Variants in PPARA observed in about 807,000 individuals in gnomAD.
PPARA encodes the protein peroxisome proliferator-activated receptor alpha.
Under a neutral mutation model 42.2 loss-of-function variants are expected in PPARA, and 22 were observed. The ratio of observed to expected loss-of-function variants is 0.52; its 90% CI spans 0.37 to 0.74. PPARA has a LOEUF of 0.74. PPARA is among the 30% of genes least tolerant of loss of function. PPARA has a pLI of 0.00. For missense variants in PPARA, 465 were observed against 608.2 expected, an observed-to-expected ratio of 0.76 and a Z score of 2.48; for synonymous variants, 242 against 239.3, an observed-to-expected ratio of 1.01 and a Z score of -0.10.
At position 46,191,665 on chromosome 22, in the gene PPARA, A is replaced by G. The variant is rs1177193507; in HGVS notation, c.-42-6677A>G. 6.6e-6 allele frequency among the ~76,000 whole-genome samples: 1 copy of G among 152,198 alleles called. No individual in the cohort carries two copies. The highest frequency in any genetic ancestry group is 2.4e-5 in the African/African-American group (1 of 41,460). On this transcript the variant is annotated intron_variant, in intron 3 of 8. Transcript: ENST00000407236. The surrounding 1 kb of genome is among the most constrained non-coding windows in gnomAD (Gnocchi z 4.6). ...TGTGCCGCTTTGCCCTCTGGGTGAC[A>G]GCAGGCTGTGGCTGCGGCGACAGAG...
In PPARA at chr22:46,195,266, T is replaced by G. The variant is rs1932099056; in HGVS notation, c.-42-3076T>G. On this transcript the variant is annotated intron_variant, in intron 3 of 8. Coordinates refer to ENST00000407236, the MANE Select transcript of PPARA (RefSeq NM_005036.6). This position sits in a 1 kb window ranked among gnomAD's most constrained non-coding sequence, Gnocchi z 4.6. Reference sequence around the variant, plus strand: ...AATACAGTTAGTTAGTGACTGCAACTTTTGAACTTTTTGTTCATAGTGAAA... The same window carrying G: ...AATACAGTTAGTTAGTGACTGCAACGTTTGAACTTTTTGTTCATAGTGAAA... Among the ~76,000 whole-genome samples the G allele has an allele frequency of 6.6e-6, 1 of 152,198 alleles. No individual in the cohort carries two copies. The highest frequency in any genetic ancestry group is 2.4e-5 in the African/African-American group (1 of 41,444).
Position 46,167,603 on chromosome 22 carries a change from A to G in PPARA, c.-126-9150A>G, listed in dbSNP as rs1927269120. Among the ~76,000 whole-genome samples the G allele has an allele frequency of 6.6e-6, 1 of 152,156 alleles. No homozygotes were observed. Among genetic ancestry groups the G allele is most frequent in the Non-Finnish European group, 1.5e-5 (1 of 68,028 alleles). On this transcript the variant is annotated intron_variant, in intron 2 of 8. Transcript: ENST00000407236. This position sits in a 1 kb window ranked among gnomAD's most constrained non-coding sequence, Gnocchi z 4.1. ...AGAGAGGTCAAGGTTGCAGTGAGCC[A>G]TGATTGCACCACTGCACTCCAGACT... is the stretch of plus-strand genomic sequence containing the variant.
At chr22:46,154,725 C>G (rs1170232829) in intron 2 of PPARA, among the ~76,000 whole-genome samples, 2 of 151,370 alleles carry the variant, frequency 1.3e-5, no homozygotes, top group South Asian at 4.2e-4. Context: ...TAGGCTAGAG[C>G]ACAGCTGCAT....
chr22:46,158,305 G>A (rs554691072), intron 2 of PPARA, among the ~76,000 whole-genome samples: 1 of 152,286 alleles, frequency 6.6e-6, no homozygotes, highest in Non-Finnish European at 1.5e-5. Flanking sequence ...TACTCAGGAG[G>A]CTGAGGCAGG....
chr22:46,222,682 C>G lies in PPARA; in HGVS notation c.711+2668C>G, dbSNP rs1935097663. On this transcript the variant is annotated intron_variant, in intron 7 of 8. Coordinates refer to ENST00000407236, the MANE Select transcript of PPARA (RefSeq NM_005036.6). This position sits in a 1 kb window ranked among gnomAD's most constrained non-coding sequence, Gnocchi z 5.9. ...TTAGTACAGCCCAAAATTGGGATGGCTAAAACTTTTGTTTGCCAGCTTATA... is the reference window on the plus strand; with the variant it reads ...TTAGTACAGCCCAAAATTGGGATGGGTAAAACTTTTGTTTGCCAGCTTATA... Among the ~76,000 whole-genome samples, 1 of 152,122 alleles carries G rather than the reference C, an allele frequency of 6.6e-6. No homozygotes were observed. Among genetic ancestry groups the G allele is most frequent in the Middle Eastern group, 3.2e-3 (1 of 316 alleles).
intron 4 of PPARA, among the ~76,000 whole-genome samples, chr22:46,207,671 ATTATTATTT>A (rs1933493672): frequency 1.3e-5 from 1 of 74,434 alleles, no homozygotes; most frequent in Admixed American, 1.5e-4. Context: ...TATTATTATT[ATTATTATTT>A]TTTTTTTTTT....
At position 46,243,435 on chromosome 22, in the gene PPARA, G is replaced by C. The variant is rs1039977251; in HGVS notation, c.*8055G>C. Reference sequence around the variant, plus strand: ...TCTCCAACTTCATACCTCTCTCCTGGTGGGGGGAGCGGGCATCCAGGACCT... The same window carrying C: ...TCTCCAACTTCATACCTCTCTCCTGCTGGGGGGAGCGGGCATCCAGGACCT... On this transcript the variant is annotated 3_prime_UTR_variant, in exon 9 of 9. Transcript: ENST00000407236. The surrounding 1 kb of genome is among the most constrained non-coding windows in gnomAD (Gnocchi z 5.0). 1.3e-5 allele frequency: 2 copies of C among 152,186 alleles called. No individual in the cohort carries two copies. The highest frequency in any genetic ancestry group is 2.9e-5 in the Non-Finnish European group (2 of 68,052). 9.4% of individuals were successfully genotyped at this position (152,186 alleles called of 1,614,324 possible).
At chr22:46,218,492 G>C in intron 6 of PPARA, 91 bp downstream of exon 6, 2 of 1,577,702 alleles carry the variant, frequency 1.3e-6, no homozygotes, top group Admixed American at 3.3e-5. Context: ...GGATGAATGT[G>C]CTTCAACATT....
intron 4 of PPARA, among the ~76,000 whole-genome samples, chr22:46,199,103 A>C (rs761804859): frequency 6.6e-6 from 1 of 152,152 alleles, no homozygotes; most frequent in Non-Finnish European, 1.5e-5. Flanking sequence ...AAAGCCATGC[A>C]CACATCAAAC....
At chr22:46,215,072 C>A in intron 4 of PPARA, 101 bp from the exon 5 acceptor site, 1 of 1,448,128 alleles carries the variant, frequency 6.9e-7, no homozygotes, top group Non-Finnish European at 9.6e-7. Context: ...TATGCCTCAG[C>A]ACTAGAAGCC....
chr22:46,194,522 C>T (rs1441986722), intron 3 of PPARA, among the ~76,000 whole-genome samples: 1 of 151,732 alleles, frequency 6.6e-6, no homozygotes, highest in Non-Finnish European at 1.5e-5. Context: ...GGGAGGTGGC[C>T]ACAGCCCATC....
rs145459585 is a variant in PPARA, at chr22:46,175,723, A to C, written c.-126-1030A>C. Among the ~76,000 whole-genome samples the C allele has an allele frequency of 1.7e-3, 265 of 152,148 alleles. 2 individuals are homozygous for C. Among genetic ancestry groups the C allele is most frequent in the African/African-American group, 6.0e-3 (251 of 41,526 alleles). ...AGCGAGACTCCATCTTAAAAAAAAA[A>C]AAAAAAGAATGTCACATAATGAATC... is the stretch of plus-strand genomic sequence containing the variant. On this transcript the variant is annotated intron_variant, in intron 2 of 8. Coordinates refer to ENST00000407236, the MANE Select transcript of PPARA (RefSeq NM_005036.6).
intron 7 of PPARA, among the ~76,000 whole-genome samples, chr22:46,226,162 T>C (rs995942747): frequency 2.0e-5 from 3 of 150,756 alleles, no homozygotes; most frequent in African/African-American, 4.9e-5. Flanking sequence ...TGCACACATA[T>C]ATATATATAC....
intron 3 of PPARA, among the ~76,000 whole-genome samples, chr22:46,194,990 C>T (rs1395778647): frequency 6.6e-6 from 1 of 150,754 alleles, no homozygotes; most frequent in African/African-American, 2.4e-5. Flanking sequence ...GCAACCTCCA[C>T]CTCCTGGGTT....
chr22:46,238,674 G>A lies in PPARA; in HGVS notation c.*3294G>A, dbSNP rs1303969509. On this transcript the variant is annotated 3_prime_UTR_variant, in exon 9 of 9. Transcript: ENST00000407236. The surrounding 1 kb of genome is among the most constrained non-coding windows in gnomAD (Gnocchi z 8.3). ...GACTCCTCCCAGACGTGCCTCTTGT[G>A]TGCCAGCTGGCTGTGGCTCGGGAGC... is the stretch of plus-strand genomic sequence containing the variant. 6.6e-6 allele frequency: 1 copy of A among 152,310 alleles called. No homozygotes were observed. Among genetic ancestry groups the A allele is most frequent in the Non-Finnish European group, 1.5e-5 (1 of 68,096 alleles). 9.4% of individuals were successfully genotyped at this position (152,310 alleles called of 1,614,324 possible).
chr22:46,217,228 C>T (rs927710791), intron 5 of PPARA, among the ~76,000 whole-genome samples: 15 of 152,194 alleles, frequency 9.9e-5, no homozygotes, highest in African/African-American at 2.7e-4. Flanking sequence ...TTCCCCTGCA[C>T]ACTGCTGTCC....
chr22:46,220,902 C>G (rs1226592584), intron 7 of PPARA, among the ~76,000 whole-genome samples: 3 of 151,504 alleles, frequency 2.0e-5, no homozygotes, highest in Non-Finnish European at 4.4e-5. Flanking sequence ...GAGATCATGC[C>G]ACTGCACTCC....
At position 46,218,369 on chromosome 22, in the gene PPARA, A is replaced by C; in HGVS notation, c.476A>C (p.His159Pro). ...NRNKCQYCRF[H>P]KCLSVGMSHN... ...AACAAATGCCAGTATTGTCGATTTC[A>C]CAAGTGCCTTTCTGTCGGGATGTCA... The change falls in exon 6 of 9, where the codon CAC becomes CCC. Residue 159 changes from histidine (H) to proline (P), a missense_variant. Coordinates refer to ENST00000407236, the MANE Select transcript of PPARA (RefSeq NM_005036.6). 6.2e-7 allele frequency: 1 copy of C among 1,614,180 alleles called. No homozygotes were observed. Among genetic ancestry groups the C allele is most frequent in the African/African-American group, 1.3e-5 (1 of 75,052 alleles).
In PPARA at chr22:46,193,158, C is replaced by T. The variant is rs2147342217; in HGVS notation, c.-42-5184C>T. ...CTCGGCTCACTGCAACCTCCACCTC[C>T]TGGGTTCAAGCGATCCTCCTGCCTC... On this transcript the variant is annotated intron_variant, in intron 3 of 8. Coordinates refer to ENST00000407236, the MANE Select transcript of PPARA (RefSeq NM_005036.6). This position sits in a 1 kb window ranked among gnomAD's most constrained non-coding sequence, Gnocchi z 5.3. 6.6e-6 allele frequency among the ~76,000 whole-genome samples: 1 copy of T among 152,270 alleles called. No homozygotes were observed. Among genetic ancestry groups the T allele is most frequent in the South Asian group, 2.1e-4 (1 of 4,826 alleles).
Sources: allele counts gnomAD v4.1 joint callset (sites outside exome capture counted in the v4.1 genomes callset), GRCh38; gene constraint gnomAD v4.1.1; non-coding constraint Gnocchi (gnomAD v3.1); transcripts MANE v1.5; gene names NCBI Gene and HGNC (gene_info 2026-07-23, HGNC 2026-07-21).